The following CNTNAP2 variants were observed in gnomAD, a reference collection of about 807,000 sequenced individuals.
The protein encoded by CNTNAP2 is contactin associated protein 2, also known as contactin-associated protein-like 2.
In CNTNAP2, 98 loss-of-function variants were observed where a neutral mutation model predicts 155.2. The ratio of observed to expected loss-of-function variants is 0.63; its 90% confidence interval spans 0.54 to 0.75. The LOEUF (loss-of-function observed/expected upper bound fraction) is 0.75, where lower values mean the gene tolerates loss of function less well. Among genes scored for constraint, CNTNAP2 ranks in the 30% least tolerant of loss-of-function variants. The pLI is 0.00. For synonymous variants in CNTNAP2, 651 were observed against 631.2 expected (o/e 1.03, Z -0.47); for missense variants, 1,727 against 1,688.1 (o/e 1.02, Z -0.40).
At chr7:147,940,303 TAAAAAAAAAA>T (rs59484615) in intron 14 of CNTNAP2, 1 of 91,694 alleles carries the variant, frequency 1.1e-5, no homozygotes, top group Non-Finnish European at 2.1e-5. Flanking sequence ...CCTGTCTCTT[TAAAAAAAAAA>T]AAAAAAAAAA....
intron 1 of CNTNAP2, among the ~76,000 whole-genome samples, chr7:146,163,585 C>CTATCTATATATATA (rs1354076042): frequency 2.2e-4 from 20 of 91,214 alleles, no homozygotes; most frequent in African/African-American, 7.6e-4. Flanking sequence ...ATCTATCTAT[C>CTATCTATATATATA]TATATATATA....
At chr7:147,609,651 G>A (rs1008330852) in intron 12 of CNTNAP2, among the ~76,000 whole-genome samples, 2 of 152,020 alleles carry the variant, frequency 1.3e-5, no homozygotes, top group African/African-American at 4.8e-5. Context: ...AAAAATAGAG[G>A]TGATGTAGGG....
chr7:147,931,098 G>T (rs188349074), intron 14 of CNTNAP2, among the ~76,000 whole-genome samples: 1 of 150,858 alleles, frequency 6.6e-6, no homozygotes, highest in African/African-American at 2.4e-5. Flanking sequence ...AAAGAAGAAC[G>T]CAAATCAACA....
At chr7:147,835,413 G>C (rs1377563750) in intron 13 of CNTNAP2, among the ~76,000 whole-genome samples, 1 of 152,134 alleles carries the variant, frequency 6.6e-6, no homozygotes, top group Non-Finnish European at 1.5e-5. Context: ...TCACACAGCA[G>C]ATAGTGGCCA....
intron 1 of CNTNAP2, among the ~76,000 whole-genome samples, chr7:146,406,598 C>T (rs886396913): frequency 1.3e-5 from 2 of 152,220 alleles, no homozygotes; most frequent in South Asian, 4.1e-4. Flanking sequence ...GTTGAAGCAC[C>T]CAGTCAAAGA....
chr7:148,253,525 G>A (rs950795850), intron 20 of CNTNAP2, among the ~76,000 whole-genome samples: 37 of 152,172 alleles, frequency 2.4e-4, no homozygotes, highest in African/African-American at 7.7e-4. Context: ...ACATCTGCAC[G>A]TCATCAGCTG....
rs139859388 is a variant in CNTNAP2 at position 148,233,046 on chromosome 7, A to C, written c.3381+3267A>C. Among the ~76,000 whole-genome samples, 3 of 152,362 alleles carry C rather than the reference A, an allele frequency of 2.0e-5. No homozygotes were observed. The East Asian group carries it at 5.8e-4, about 29-fold the overall frequency. On this transcript the variant is annotated intron_variant, in intron 20 of 23. Coordinates refer to ENST00000361727, the MANE Select transcript of CNTNAP2 (RefSeq NM_014141.6). ...TACCTCCAGTGGCATCATTTGTGAA[A>C]ACTCACAGTCGCATCAGGGAGAATA... is the stretch of plus-strand genomic sequence containing the variant.
chr7:148,348,045 T>C (rs1304511975), intron 21 of CNTNAP2, among the ~76,000 whole-genome samples: 2 of 152,242 alleles, frequency 1.3e-5, no homozygotes, highest in Non-Finnish European at 2.9e-5. Context: ...TGGCTAGTTT[T>C]ATCTGAAAGT....
intron 3 of CNTNAP2, among the ~76,000 whole-genome samples, chr7:146,864,598 G>A (rs539942734): frequency 2.6e-4 from 39 of 152,088 alleles, no homozygotes; most frequent in Non-Finnish European, 2.2e-4. Flanking sequence ...ATAAACAGAA[G>A]CATAAAGATT....
At chr7:147,141,864 C>T (rs1801603885) in intron 8 of CNTNAP2, among the ~76,000 whole-genome samples, 1 of 152,060 alleles carries the variant, frequency 6.6e-6, no homozygotes, top group African/African-American at 2.4e-5. Flanking sequence ...CCATATTATC[C>T]AAGTTTCTAT....
At chr7:147,940,860 C>T (rs1800708362) in intron 14 of CNTNAP2, among the ~76,000 whole-genome samples, 2 of 152,142 alleles carry the variant, frequency 1.3e-5, no homozygotes, top group African/African-American at 4.8e-5. Context: ...TTTAGAAAAC[C>T]CCATCAAACA....
At chr7:147,064,394 C>G (rs1389558218) in intron 4 of CNTNAP2, among the ~76,000 whole-genome samples, 1 of 152,128 alleles carries the variant, frequency 6.6e-6, no homozygotes, top group East Asian at 1.9e-4. Context: ...CCATAAAAAC[C>G]TCTCCATTGT....
chr7:147,482,840 G>A (rs1261404175), intron 10 of CNTNAP2, among the ~76,000 whole-genome samples: 1 of 152,084 alleles, frequency 6.6e-6, no homozygotes, highest in Non-Finnish European at 1.5e-5. Context: ...GAGGTCCGGA[G>A]TTCGGCACCA....
chr7:148,035,546 T>A (rs1257263806), intron 15 of CNTNAP2, among the ~76,000 whole-genome samples: 3 of 152,198 alleles, frequency 2.0e-5, no homozygotes, highest in Admixed American at 2.0e-4. Context: ...GGTACCTATA[T>A]GGTGCTTATT....
chr7:147,022,409 A>T (rs895706695), intron 3 of CNTNAP2, among the ~76,000 whole-genome samples: 1 of 152,134 alleles, frequency 6.6e-6, no homozygotes, highest in Non-Finnish European at 1.5e-5. Flanking sequence ...TTTTTATGGC[A>T]AAGTTTCCCC....
At chr7:147,448,829 T>G (rs1217074324) in intron 10 of CNTNAP2, among the ~76,000 whole-genome samples, 1 of 152,148 alleles carries the variant, frequency 6.6e-6, no homozygotes, top group Admixed American at 6.5e-5. Flanking sequence ...TCTGTCTACA[T>G]AGTTGGCAAC....
chr7:146,326,707 G>T (rs1267070679), intron 1 of CNTNAP2, among the ~76,000 whole-genome samples: 1 of 152,108 alleles, frequency 6.6e-6, no homozygotes, highest in Non-Finnish European at 1.5e-5. Context: ...AAAGAGTGGC[G>T]ACTTTTTATT....
intron 15 of CNTNAP2, among the ~76,000 whole-genome samples, chr7:148,095,352 A>T (rs1439815263): frequency 6.6e-6 from 1 of 152,228 alleles, no homozygotes; most frequent in Non-Finnish European, 1.5e-5. Flanking sequence ...TGTTCTCTGC[A>T]TGAGGTCTCT....
At chr7:146,696,354 T>C (rs1800783160) in intron 1 of CNTNAP2, among the ~76,000 whole-genome samples, 1 of 152,198 alleles carries the variant, frequency 6.6e-6, no homozygotes, top group Non-Finnish European at 1.5e-5. Context: ...TTAATGTCTA[T>C]GAAGTCAATG....
Sources: allele counts gnomAD v4.1 joint callset (sites outside exome capture counted in the v4.1 genomes callset), GRCh38; gene constraint gnomAD v4.1.1; transcripts MANE v1.5; gene names NCBI Gene and HGNC (gene_info 2026-07-23, HGNC 2026-07-21).